The following DISC1 variants were observed in gnomAD, a reference collection of about 807,000 sequenced individuals.
DISC1 encodes disrupted in schizophrenia 1 protein.
A neutral mutation model predicts 84.5 loss-of-function variants in DISC1; 57 were observed. That is an observed-to-expected ratio of 0.67 (90% CI 0.55 to 0.84). The LOEUF (loss-of-function observed/expected upper bound fraction) is 0.84. Among genes scored for constraint, DISC1 ranks in the 40% least tolerant of loss-of-function variants. DISC1 has a pLI of 0.00. For missense variants in DISC1, 1,000 were observed against 1,057.8 expected, an observed-to-expected ratio of 0.95 and a Z score of 0.76; for synonymous variants, 411 against 415.2, an observed-to-expected ratio of 0.99 and a Z score of 0.12.
chr1:231,713,699 A>ATG (rs1271823519), intron 3 of DISC1, among the ~76,000 whole-genome samples: 4 of 108,636 alleles, frequency 3.7e-5, no homozygotes, highest in Admixed American at 9.5e-5. Flanking sequence ...ATATATATAT[A>ATG]GGAGATATAT....
chr1:231,867,162 T>G (rs1013016259), intron 9 of DISC1, among the ~76,000 whole-genome samples: 1 of 152,170 alleles, frequency 6.6e-6, no homozygotes, highest in African/African-American at 2.4e-5. Context: ...GGCTGTCTTC[T>G]TAGCAGTAGA....
intron 10 of DISC1, among the ~76,000 whole-genome samples, chr1:231,996,603 C>T (rs755765198): frequency 5.3e-5 from 8 of 152,138 alleles, no homozygotes; most frequent in Non-Finnish European, 1.0e-4. Context: ...TGTGTCAGAA[C>T]TCAGTATTTA....
intron 9 of DISC1, among the ~76,000 whole-genome samples, chr1:231,904,338 C>T (rs1288492811): frequency 6.6e-6 from 1 of 152,064 alleles, no homozygotes; most frequent in African/African-American, 2.4e-5. Context: ...CCTTTTCTTT[C>T]TTGAACAATT....
intron 6 of DISC1, among the ~76,000 whole-genome samples, chr1:231,782,799 G>A (rs1170603863): frequency 4.6e-5 from 7 of 151,880 alleles, no homozygotes; most frequent in East Asian, 1.9e-4. Flanking sequence ...AAAATTAGCC[G>A]GCTGTGGTGG....
Position 231,626,872 on chromosome 1 carries a change from C to T in DISC1, c.5C>T (p.Pro2Leu), listed in dbSNP as rs971493680. The change falls in exon 1 of 13, where the codon CCA becomes CTA. Residue 2 changes from proline (P) to leucine (L), a missense_variant. Pro to Leu is a moderately conservative substitution (Grantham distance 98). This residue lies in a region of DISC1 where 292 missense variants were observed against 280.2 expected (regional missense o/e 1.04). Coordinates refer to ENST00000439617, the MANE Select transcript of DISC1 (RefSeq NM_018662.3). The part of the protein sequence containing the change: M[P>L]GGGPQGAPAA... ...GAGGAGCTGGCAGCGGGGCGCATGC[C>T]AGGCGGGGGTCCTCAGGGCGCCCCA... The T allele has an allele frequency of 2.0e-6, 3 of 1,467,582 alleles. No homozygotes were observed. The highest frequency in any genetic ancestry group is 5.4e-5 in the Admixed American group (2 of 37,074). 90.9% of individuals were successfully genotyped at this position (1,467,582 alleles called of 1,614,324 possible).
chr1:231,731,453 A>T (rs576943895), intron 3 of DISC1, among the ~76,000 whole-genome samples: 1 of 152,154 alleles, frequency 6.6e-6, no homozygotes, highest in South Asian at 2.1e-4. Context: ...AGGGGCAGAA[A>T]CTCTCAGGTG....
At chr1:232,027,092 T>G (rs1348660540) in intron 12 of DISC1, among the ~76,000 whole-genome samples, 3 of 152,190 alleles carry the variant, frequency 2.0e-5, no homozygotes, top group Non-Finnish European at 1.5e-5. Context: ...CCACTAACAA[T>G]TAAGTTCAGA....
intron 1 of DISC1, among the ~76,000 whole-genome samples, chr1:231,668,400 T>C (rs1453391012): frequency 6.6e-6 from 1 of 152,194 alleles, no homozygotes; most frequent in Non-Finnish European, 1.5e-5. Context: ...CTTGTGGGTA[T>C]AAACTAGAAT....
intron 8 of DISC1, among the ~76,000 whole-genome samples, chr1:231,816,489 A>G (rs2080993981): frequency 6.6e-6 from 1 of 151,698 alleles, no homozygotes; most frequent in South Asian, 2.1e-4. Flanking sequence ...GTTCTTGCCT[A>G]CTCCAAAGTC....
intron 1 of DISC1, among the ~76,000 whole-genome samples, chr1:231,674,856 C>T (rs1187932905): frequency 6.6e-6 from 1 of 152,168 alleles, no homozygotes; most frequent in Non-Finnish European, 1.5e-5. Context: ...CTAGAAGGAG[C>T]GAGGATTTGT....
At chr1:232,002,097 A>T (rs1666757782) in intron 10 of DISC1, among the ~76,000 whole-genome samples, 1 of 152,208 alleles carries the variant, frequency 6.6e-6, no homozygotes, top group Admixed American at 6.5e-5. Context: ...AAGAGGCTAT[A>T]TGGATGGCAA....
intron 10 of DISC1, among the ~76,000 whole-genome samples, chr1:231,973,786 C>T (rs1268708196): frequency 6.6e-6 from 1 of 152,076 alleles, no homozygotes. Flanking sequence ...GTGGGACATC[C>T]TTTTTAAATA....
chr1:231,656,004 C>T lies in DISC1; in HGVS notation c.67+29070C>T, dbSNP rs1304777530. On this transcript the variant is annotated intron_variant, in intron 1 of 12. Coordinates refer to ENST00000439617, the MANE Select transcript of DISC1 (RefSeq NM_018662.3). ...TAGATTCTGGGTATTAGTCTGTTGT[C>T]GGATGCATAGTTTGCAAATATTTTC... Among the ~76,000 whole-genome samples, 5 of 152,058 alleles carry T rather than the reference C, an allele frequency of 3.3e-5. 1 individual carries two copies. Among genetic ancestry groups the T allele is most frequent in the Non-Finnish European group, 5.9e-5 (4 of 68,020 alleles).
intron 9 of DISC1, among the ~76,000 whole-genome samples, chr1:231,881,000 G>C (rs147954872): frequency 6.6e-6 from 1 of 152,188 alleles, no homozygotes; most frequent in Non-Finnish European, 1.5e-5. Context: ...CTGAGGAAGG[G>C]GTTGGAGCCC....
intron 10 of DISC1, among the ~76,000 whole-genome samples, chr1:232,002,581 G>T (rs1666828872): frequency 6.7e-6 from 1 of 148,590 alleles, no homozygotes. Flanking sequence ...CGAATCTCCA[G>T]GGAATTATGC....
intron 10 of DISC1, among the ~76,000 whole-genome samples, chr1:232,007,406 A>G (rs1667596618): frequency 1.3e-5 from 2 of 152,200 alleles, no homozygotes; most frequent in African/African-American, 4.8e-5. Context: ...ATAGGAACCC[A>G]TCTCTTGCAT....
chr1:231,843,733 C>T (rs1406985967), intron 9 of DISC1, among the ~76,000 whole-genome samples: 1 of 152,024 alleles, frequency 6.6e-6, no homozygotes, highest in Admixed American at 6.5e-5. Flanking sequence ...CCTGGACCAC[C>T]GGTGGGGGGT....
At chr1:231,910,407 T>C (rs1382020369) in intron 9 of DISC1, among the ~76,000 whole-genome samples, 3 of 152,310 alleles carry the variant, frequency 2.0e-5, no homozygotes, top group Middle Eastern at 6.8e-3. Flanking sequence ...AGAACATCTT[T>C]ATTTCTGCCT....
At chr1:231,671,812 C>T (rs1340767306) in intron 1 of DISC1, among the ~76,000 whole-genome samples, 2 of 152,164 alleles carry the variant, frequency 1.3e-5, no homozygotes, top group Non-Finnish European at 2.9e-5. Context: ...CTTGATTCCT[C>T]AGTTTTCCTC....
Sources: gnomAD v4.1 joint callset for allele counts (sites outside exome capture counted in the v4.1 genomes callset) on GRCh38, gnomAD v4.1.1 for gene constraint, gnomAD v4.1.1 regional missense constraint, MANE v1.5 for transcripts, NCBI Gene and HGNC (gene_info 2026-07-23, HGNC 2026-07-21) for gene names.